Variants in MTR observed in about 807,000 individuals in gnomAD.
MTR encodes the protein 5-methyltetrahydrofolate-homocysteine methyltransferase.
MTR carries 84 observed loss-of-function variants against 154.8 expected under a neutral mutation model. That is an observed-to-expected ratio of 0.54 (90% CI 0.45 to 0.65). MTR has a LOEUF of 0.65. Among genes scored for constraint, MTR ranks in the 30% least tolerant of loss-of-function variants. The pLI is 0.00. For missense variants in MTR, 1,275 were observed against 1,570.2 expected, an observed-to-expected ratio of 0.81 and a Z score of 3.18; for synonymous variants, 554 against 553.9, an observed-to-expected ratio of 1.00 and a Z score of 0.00.
At chr1:236,840,051 TACTG>T (rs1171143623) in intron 15 of MTR, among the ~76,000 whole-genome samples, 1 of 152,210 alleles carries the variant, frequency 6.6e-6, no homozygotes, top group Non-Finnish European at 1.5e-5. Flanking sequence ...AATGGGGACA[TACTG>T]ACAATGAACA....
chr1:236,891,004 C>T, intron 28 of MTR, 129 bp from the exon 29 acceptor site: 1 of 1,093,034 alleles, frequency 9.1e-7, no homozygotes, highest in Non-Finnish European at 1.4e-6. Context: ...CACCAGAAAG[C>T]ATTTGAGGAA....
chr1:236,891,789 G>A (rs1380945657), intron 29 of MTR, among the ~76,000 whole-genome samples: 1 of 152,190 alleles, frequency 6.6e-6, no homozygotes, highest in Non-Finnish European at 1.5e-5. Context: ...CAGGTGCATA[G>A]TAAGGTGCTT....
chr1:236,824,051 TA>T lies in MTR; in HGVS notation c.765-67del, dbSNP rs1662140509. 17 of 1,291,884 alleles carry T rather than the reference TA, an allele frequency of 1.3e-5. No homozygotes were observed. In the East Asian group the frequency reaches 3.9e-4, roughly 30 times the overall value. The allele number at this position is 1,291,884 out of a possible 1,614,324, so 80.0% of individuals were successfully genotyped here. ...CTTGGTTTTAGATATATTGTCTCCA[TA>T]TATAACTTATATGCATAAATATGAA... On this transcript the variant is annotated intron_variant, in intron 8 of 32. Transcript: ENST00000366577.
At chr1:236,876,015 T>A (rs1572312718) in intron 24 of MTR, among the ~76,000 whole-genome samples, 1 of 152,274 alleles carries the variant, frequency 6.6e-6, no homozygotes, top group Non-Finnish European at 1.5e-5. Context: ...TTGTCTTGTC[T>A]CTTAAAGGTC....
intron 12 of MTR, among the ~76,000 whole-genome samples, chr1:236,831,391 G>C (rs1662602668): frequency 6.6e-6 from 1 of 152,210 alleles, no homozygotes; most frequent in Non-Finnish European, 1.5e-5. Flanking sequence ...CTTACCTAGA[G>C]TCAGCTCATT....
At chr1:236,873,483 A>G (rs969428589) in intron 22 of MTR, among the ~76,000 whole-genome samples, 3 of 152,234 alleles carry the variant, frequency 2.0e-5, no homozygotes, top group Admixed American at 6.5e-5. Context: ...TAAAAAAATA[A>G]CATACCAGAA....
chr1:236,865,268 C>CT (rs1664762751), intron 22 of MTR, among the ~76,000 whole-genome samples: 1 of 152,240 alleles, frequency 6.6e-6, no homozygotes, highest in African/African-American at 2.4e-5. Flanking sequence ...TGAAACGTTA[C>CT]TTTCATTTTA....
At chr1:236,839,781 CTGAGA>C (rs1663124229) in intron 15 of MTR, among the ~76,000 whole-genome samples, 1 of 152,092 alleles carries the variant, frequency 6.6e-6, no homozygotes, top group East Asian at 1.9e-4. Flanking sequence ...TAGCAAAAAG[CTGAGA>C]ACACTAAATG....
chr1:236,838,499 T>A lies in MTR; in HGVS notation c.1415T>A (p.Ile472Asn). Residue 472 changes from isoleucine to asparagine, a missense_variant, in exon 15 of 33, where the codon ATT (isoleucine) becomes AAT (asparagine). Coordinates refer to ENST00000366577, the MANE Select transcript of MTR (RefSeq NM_000254.3). ...CCQGKCIVNS[I>N]SLKEGEDDFL... The stretch of plus-strand genomic sequence containing the variant: ...CAAGGGAAGTGCATTGTCAATAGCA[T>A]TAGTCTGAAGGAAGGAGAGGACGAC... 2 of 1,614,092 alleles carry A rather than the reference T, an allele frequency of 1.2e-6. No homozygotes were observed. Among genetic ancestry groups the A allele is most frequent in the Non-Finnish European group, 1.7e-6 (2 of 1,180,020 alleles).
intron 1 of MTR, among the ~76,000 whole-genome samples, chr1:236,801,104 C>T (rs1660678157): frequency 6.6e-6 from 1 of 152,202 alleles, no homozygotes; most frequent in Non-Finnish European, 1.5e-5. Flanking sequence ...TGAAATGGCG[C>T]CCACTGCCTG....
intron 15 of MTR, among the ~76,000 whole-genome samples, chr1:236,848,944 C>T (rs776451448): frequency 7.9e-5 from 12 of 152,192 alleles, no homozygotes; most frequent in Non-Finnish European, 1.8e-4. Flanking sequence ...CCTACCCCCT[C>T]ATCTCCACAG....
chr1:236,802,707 GA>G (rs1660762827), intron 1 of MTR, among the ~76,000 whole-genome samples: 1 of 152,132 alleles, frequency 6.6e-6, no homozygotes, highest in South Asian at 2.1e-4. Flanking sequence ...TGGGACAGTA[GA>G]TGTTGGAAGT....
Position 236,897,310 on chromosome 1 carries a change from G to GCGTGCGCGCACACA in MTR, c.3711+193_3711+194insGTGCGCGCACACAC. Among the ~76,000 whole-genome samples, 4 of 128,682 alleles carry GCGTGCGCGCACACA rather than the reference G, an allele frequency of 3.1e-5. No homozygotes were observed. The South Asian group carries it at 1.1e-3, about 35-fold the overall frequency. 84.4% of individuals were successfully genotyped at this position (128,682 alleles called of 152,430 possible). A position where few individuals can be genotyped will look rare whatever the true frequency, so the allele number is the denominator to read the frequency against. On this transcript the variant is annotated intron_variant, in intron 32 of 32. Transcript: ENST00000366577. ...ACTTCTACATGCAAGCCACACACAC[G>GCGTGCGCGCACACA]CACACACACACACACACACACACAC...
At chr1:236,868,769 A>G (rs917365617) in intron 22 of MTR, among the ~76,000 whole-genome samples, 4 of 152,236 alleles carry the variant, frequency 2.6e-5, no homozygotes, top group African/African-American at 9.6e-5. Context: ...AGAGCAGTAT[A>G]TGGCTGAGCA....
rs757963570 is a variant in MTR, at chr1:236,874,725, G to C, written c.2474-1G>C. ...TTTTTTTTTAAAAAAAAAAAAAATA[G>C]ATATAATTGGCCTGTCAGGACTCAT... On this transcript the variant is annotated splice_acceptor_variant, in intron 23 of 32. Coordinates refer to ENST00000366577, the MANE Select transcript of MTR (RefSeq NM_000254.3). LOFTEE classifies it high-confidence loss of function. The C allele has an allele frequency of 9.7e-6, 15 of 1,553,248 alleles. No homozygotes were observed. The highest frequency in any genetic ancestry group is 1.8e-4 in the Middle Eastern group (1 of 5,668).
chr1:236,810,429 T>G, intron 4 of MTR, 74 bp from the exon 5 acceptor site: 1 of 1,206,888 alleles, frequency 8.3e-7, no homozygotes, highest in Non-Finnish European at 1.2e-6. Context: ...GAAAAAAATC[T>G]TATTGGCTAT....
intron 27 of MTR, among the ~76,000 whole-genome samples, chr1:236,886,938 C>T (rs1009622463): frequency 6.6e-6 from 1 of 151,378 alleles, no homozygotes; most frequent in African/African-American, 2.5e-5. Context: ...TCTCTCTGTC[C>T]TCTCTCTGGA....
chr1:236,803,358 C>T, intron 1 of MTR, 70 bp from the exon 2 acceptor site: 1 of 1,423,694 alleles, frequency 7.0e-7, no homozygotes, highest in South Asian at 1.2e-5. Context: ...ATAAATTTCT[C>T]TAAAGCTCCT....
intron 15 of MTR, among the ~76,000 whole-genome samples, chr1:236,844,412 TAGGGTGGAAACC>T (rs1301161512): frequency 2.7e-5 from 4 of 149,236 alleles, no homozygotes; most frequent in African/African-American, 9.9e-5. Context: ...AGCAAAAAAA[TAGGGTGGAAACC>T]AGGGGGGAAA....
Sources: gnomAD v4.1 joint callset for allele counts (sites outside exome capture counted in the v4.1 genomes callset) on GRCh38, gnomAD v4.1.1 for gene constraint, MANE v1.5 for transcripts, NCBI Gene and HGNC (gene_info 2026-07-23, HGNC 2026-07-21) for gene names.